FOCAD: variants seen among roughly 807,000 people sequenced by gnomAD.
The protein encoded by FOCAD is focadhesin.
Under a neutral mutation model 225.6 loss-of-function variants are expected in FOCAD, and 198 were observed. The ratio of observed to expected loss-of-function variants is 0.88; its 90% CI spans 0.78 to 0.99. The LOEUF (loss-of-function observed/expected upper bound fraction) is 0.99, where lower values mean the gene tolerates loss of function less well. Ranked by LOEUF, FOCAD falls within the 50% of genes least tolerant of loss-of-function variation. FOCAD has a pLI of 0.00. For missense variants in FOCAD, 2,713 were observed against 2,123.6 expected (o/e 1.28, Z -5.46); for synonymous variants, 897 against 755.0 (o/e 1.19, Z -3.08).
At chr9:20,857,275 C>G (rs932161206) in intron 15 of FOCAD, among the ~76,000 whole-genome samples, 1 of 151,842 alleles carries the variant, frequency 6.6e-6, no homozygotes, top group Non-Finnish European at 1.5e-5. Context: ...TTTCCTTCAT[C>G]AATGTTTCAT....
intron 1 of FOCAD, among the ~76,000 whole-genome samples, chr9:20,702,480 G>T (rs1194486388): frequency 1.3e-5 from 2 of 152,118 alleles, no homozygotes; most frequent in Non-Finnish European, 2.9e-5. Context: ...GTGAGATCTG[G>T]AGGCAGACTG....
At chr9:20,680,972 T>A (rs1270429920), upstream of FOCAD, among the ~76,000 whole-genome samples, 1 of 152,072 alleles carries the variant, frequency 6.6e-6, no homozygotes, top group Non-Finnish European at 1.5e-5. Flanking sequence ...TACCCCAGCT[T>A]GTGTGACAAA....
chr9:20,934,233 C>A (rs1835744617), intron 28 of FOCAD, among the ~76,000 whole-genome samples: 1 of 151,984 alleles, frequency 6.6e-6, no homozygotes, highest in Non-Finnish European at 1.5e-5. Context: ...AGCTATTTAT[C>A]GTTTTTAACT....
upstream of FOCAD, among the ~76,000 whole-genome samples, chr9:20,658,060 G>C (rs528733039): frequency 6.8e-6 from 1 of 147,110 alleles, no homozygotes; most frequent in African/African-American, 2.5e-5. Flanking sequence ...GTGTGCCCCT[G>C]CTGGGGGGTG....
chr9:20,990,627 A>T (rs1241015909), intron 42 of FOCAD, among the ~76,000 whole-genome samples: 7 of 152,154 alleles, frequency 4.6e-5, no homozygotes, highest in Admixed American at 1.3e-4. Flanking sequence ...TCCATACTTC[A>T]TTTATTGAAG....
Position 20,976,451 on chromosome 9 carries a change from A to G in FOCAD, c.4164A>G (p.Lys1388=), listed in dbSNP as rs780057151. 5 of 1,613,080 alleles carry G rather than the reference A, an allele frequency of 3.1e-6. No homozygotes were observed. In the African/African-American group the frequency reaches 5.3e-5, roughly 17 times the overall value. Residue 1388 remains lysine, a synonymous_variant, in exon 36 of 44, where the codon AAA becomes AAG. Transcript: ENST00000338382. ...GPESVPPSLL[K]VVMKPIATVG... ...AATCTGTGCCTCCTTCCCTTCTTAA[A>G]GTAGTGATGAAACCCATAGCAACTG...
chr9:20,887,291 A>T (rs1037569263), intron 21 of FOCAD, among the ~76,000 whole-genome samples: 1 of 150,808 alleles, frequency 6.6e-6, no homozygotes, highest in Non-Finnish European at 1.5e-5. Context: ...CTGGAGTGCA[A>T]TGGTGCAATC....
chr9:20,965,803 G>A (rs2132498807), intron 35 of FOCAD, among the ~76,000 whole-genome samples: 1 of 152,100 alleles, frequency 6.6e-6, no homozygotes, highest in South Asian at 2.1e-4. Flanking sequence ...CTTTGTGATT[G>A]GCTTCTTTCA....
chr9:20,656,535 C>T (rs1382822424), upstream of FOCAD, among the ~76,000 whole-genome samples: 1 of 151,950 alleles, frequency 6.6e-6, no homozygotes, highest in Non-Finnish European at 1.5e-5. Flanking sequence ...TATGTAATGG[C>T]CTTCTTTGTC....
At chr9:20,956,090 A>C (rs905625507) in intron 35 of FOCAD, among the ~76,000 whole-genome samples, 1 of 152,154 alleles carries the variant, frequency 6.6e-6, no homozygotes, top group African/African-American at 2.4e-5. Context: ...GATATGGGCT[A>C]ATTGGTCAGT....
chr9:20,763,887 G>A (rs1333025085), intron 6 of FOCAD, among the ~76,000 whole-genome samples: 3 of 152,132 alleles, frequency 2.0e-5, no homozygotes, highest in Admixed American at 6.5e-5. Flanking sequence ...GGAGTTTTCA[G>A]GATATAGTGA....
At chr9:20,958,540 G>A (rs1278683052) in intron 35 of FOCAD, among the ~76,000 whole-genome samples, 1 of 151,992 alleles carries the variant, frequency 6.6e-6, no homozygotes, top group African/African-American at 2.4e-5. Flanking sequence ...TTTGTGTTGG[G>A]AACATTCAAT....
intron 16 of FOCAD, among the ~76,000 whole-genome samples, chr9:20,865,428 C>G (rs1829141055): frequency 6.6e-6 from 1 of 152,036 alleles, no homozygotes; most frequent in African/African-American, 2.4e-5. Flanking sequence ...TATGCTTAAT[C>G]AATTATTTAT....
chr9:20,736,368 A>C (rs1827153890), intron 4 of FOCAD, among the ~76,000 whole-genome samples: 2 of 152,196 alleles, frequency 1.3e-5, no homozygotes, highest in African/African-American at 4.8e-5. Flanking sequence ...GTTTTCTTCT[A>C]ATTCACTATT....
At chr9:20,679,881 A>G (rs1015968497), upstream of FOCAD, among the ~76,000 whole-genome samples, 2 of 148,324 alleles carry the variant, frequency 1.3e-5, no homozygotes, top group African/African-American at 4.8e-5. Context: ...CGCACCCTCC[A>G]CAGGTTACAT....
chr9:20,926,173 C>T (rs977396087), intron 25 of FOCAD, 128 bp from the exon 26 acceptor site: 4 of 614,152 alleles, frequency 6.5e-6, no homozygotes, highest in Non-Finnish European at 5.8e-6. Flanking sequence ...ATAGTCCAAG[C>T]AGATGAAGTT....
intron 17 of FOCAD, 65 bp from the exon 18 acceptor site, chr9:20,866,864 A>G (rs1472483899): frequency 8.3e-6 from 6 of 726,656 alleles, no homozygotes; most frequent in African/African-American, 6.5e-5. Flanking sequence ...TGTTTAATGC[A>G]TGTTGTGTTT....
chr9:20,835,134 A>C (rs1259713514), intron 15 of FOCAD, among the ~76,000 whole-genome samples: 2 of 152,076 alleles, frequency 1.3e-5, no homozygotes, highest in African/African-American at 4.8e-5. Flanking sequence ...CAAACTGTAC[A>C]ATTAAGATCT....
In FOCAD at chr9:20,803,672, G is replaced by A. The variant is rs569456874; in HGVS notation, c.1455+14064G>A. On this transcript the variant is annotated intron_variant, in intron 11 of 43. Transcript: ENST00000338382. ...ATTCCTAAGGGTTGTGGTCTGTTCTGTTAGAGAGTATCTCACCTGCATCAA... is the reference window on the plus strand; with the variant it reads ...ATTCCTAAGGGTTGTGGTCTGTTCTATTAGAGAGTATCTCACCTGCATCAA... Among the ~76,000 whole-genome samples the A allele has an allele frequency of 4.5e-4, 69 of 152,212 alleles. 4 individuals carry two copies. The South Asian group carries it at 0.014, about 31-fold the overall frequency.
Sources: allele counts gnomAD v4.1 joint callset (sites outside exome capture counted in the v4.1 genomes callset), GRCh38; gene constraint gnomAD v4.1.1; transcripts MANE v1.5; gene names NCBI Gene and HGNC (gene_info 2026-07-23, HGNC 2026-07-21).